KLRD1: variants seen among roughly 807,000 people sequenced by gnomAD.
The protein encoded by KLRD1 is natural killer cells antigen CD94.
In KLRD1, 21 loss-of-function variants were observed where a neutral mutation model predicts 22.6. That is an observed-to-expected ratio of 0.93 (90% CI 0.66 to 1.34). The LOEUF is 1.34. KLRD1 is among the 40% of genes most tolerant of loss of function. The pLI is 0.00. For synonymous variants in KLRD1, 59 were observed against 71.1 expected (o/e 0.83, Z 0.85); for missense variants, 183 against 208.6 (o/e 0.88, Z 0.76).
rs1950015850 is a variant in KLRD1, at chr12:10,309,778, T to G, written c.163+90T>G. On this transcript the variant is annotated intron_variant, in intron 3 of 5. Coordinates refer to ENST00000336164, the MANE Select transcript of KLRD1 (RefSeq NM_002262.5). ...CACACAGAGAGGCATGATGGAATATTATACTTAGTAATAGAAATTTGCCTA... is the reference window on the plus strand; with the variant it reads ...CACACAGAGAGGCATGATGGAATATGATACTTAGTAATAGAAATTTGCCTA... 3 of 864,406 alleles carry G rather than the reference T, an allele frequency of 3.5e-6. No individual in the cohort carries two copies. In the Admixed American group the frequency reaches 6.5e-5, roughly 19 times the overall value. The allele number at this position is 864,406 out of a possible 1,614,324, so 53.5% of individuals were successfully genotyped here. A position where few individuals can be genotyped will look rare whatever the true frequency, so the allele number is the denominator to read the frequency against.
At chr12:10,258,141 T>A (rs1178575901) in intron 1 of KLRD1, among the ~76,000 whole-genome samples, 4 of 152,144 alleles carry the variant, frequency 2.6e-5, no homozygotes, top group Non-Finnish European at 5.9e-5. Flanking sequence ...CTAGCTTAGG[T>A]CAGTTTTTCC....
At chr12:10,268,757 G>C (rs1024573463) in intron 1 of KLRD1, among the ~76,000 whole-genome samples, 1 of 152,098 alleles carries the variant, frequency 6.6e-6, no homozygotes, top group Non-Finnish European at 1.5e-5. Flanking sequence ...GATTGAAAAT[G>C]ATTATAATGT....
intron 1 of KLRD1, among the ~76,000 whole-genome samples, chr12:10,259,323 A>G (rs553851216): frequency 4.1e-4 from 63 of 152,154 alleles, no homozygotes; most frequent in Non-Finnish European, 7.9e-4. Context: ...CATCATCATC[A>G]TAGTTATGTA....
At chr12:10,272,732 A>G (rs574733578) in intron 1 of KLRD1, among the ~76,000 whole-genome samples, 13 of 152,360 alleles carry the variant, frequency 8.5e-5, no homozygotes, top group African/African-American at 3.1e-4. Context: ...TAAGGCTAAT[A>G]TGTAAACTAT....
chr12:10,288,067 CA>C (rs35335784), intron 1 of KLRD1, among the ~76,000 whole-genome samples: 1,634 of 92,968 alleles, frequency 0.018, 41 homozygotes, highest in African/African-American at 0.055. Context: ...GACTCTGTCT[CA>C]AAAAAAAAAA....
chr12:10,299,974 C>T (rs1455056243), upstream of KLRD1, among the ~76,000 whole-genome samples: 4 of 152,160 alleles, frequency 2.6e-5, no homozygotes, highest in South Asian at 2.1e-4. Context: ...GCTGCAATTC[C>T]GCCACGACTT....
upstream of KLRD1, among the ~76,000 whole-genome samples, chr12:10,300,260 G>A (rs949329784): frequency 6.6e-6 from 1 of 152,138 alleles, no homozygotes; most frequent in African/African-American, 2.4e-5. Context: ...CTTACAAAAT[G>A]TATTTCTTAA....
intron 1 of KLRD1, among the ~76,000 whole-genome samples, chr12:10,240,693 C>T (rs1949233181): frequency 6.6e-6 from 1 of 151,822 alleles, no homozygotes; most frequent in African/African-American, 2.4e-5. Flanking sequence ...CAAGCATCGA[C>T]TCACTCTCCA....
At chr12:10,307,665 C>A (rs1015399539), upstream of KLRD1, among the ~76,000 whole-genome samples, 2 of 152,032 alleles carry the variant, frequency 1.3e-5, no homozygotes, top group Non-Finnish European at 2.9e-5. Context: ...TTGGTTTGCC[C>A]ATCATTTCCT....
At position 10,283,374 on chromosome 12, in the gene KLRD1, C is replaced by T. The variant is rs570077213; in HGVS notation, c.-100-24604C>T. On this transcript the variant is annotated intron_variant, in intron 1 of 5. Coordinates refer to the KLRD1 transcript ENST00000544747. Reference sequence around the variant, plus strand: ...GGAGCAGAATAGTGGTTACCAGGGACAGTGAGGAGCGGAGAGTGGGGATAA... The same window carrying T: ...GGAGCAGAATAGTGGTTACCAGGGATAGTGAGGAGCGGAGAGTGGGGATAA... 2.0e-5 allele frequency among the ~76,000 whole-genome samples: 3 copies of T among 152,272 alleles called. No individual in the cohort carries two copies. In the South Asian group the frequency reaches 6.2e-4, roughly 32 times the overall value.
chr12:10,301,943 G>A (rs1036221041), upstream of KLRD1, among the ~76,000 whole-genome samples: 2 of 152,102 alleles, frequency 1.3e-5, no homozygotes, highest in Non-Finnish European at 2.9e-5. Flanking sequence ...TTGAGAAGAG[G>A]GAGAACGAGA....
intron 1 of KLRD1, among the ~76,000 whole-genome samples, chr12:10,244,214 G>A (rs1254320279): frequency 6.6e-6 from 1 of 152,042 alleles, no homozygotes; most frequent in Non-Finnish European, 1.5e-5. Flanking sequence ...CTATGATTTT[G>A]TTGTTGAAAC....
rs79569210 is a variant in KLRD1, at chr12:10,313,601, G to A, written c.419+88G>A. The A allele has an allele frequency of 5.0e-3, 3,319 of 669,416 alleles. 80 individuals are homozygous for A. The East Asian group carries it at 0.059, about 12-fold the overall frequency. The allele number at this position is 669,416 out of a possible 1,614,324, so 41.5% of individuals were successfully genotyped here. On this transcript the variant is annotated intron_variant, in intron 5 of 5. Transcript: ENST00000336164. ...TAAAGGTAACATCCAGGAGCACTGT[G>A]GCTGAAATAACCTTGTCTAGGGCAT...
upstream of KLRD1, among the ~76,000 whole-genome samples, chr12:10,302,527 T>TGTC (rs999417197): frequency 1.3e-5 from 2 of 152,190 alleles, no homozygotes; most frequent in Non-Finnish European, 2.9e-5. Context: ...GACACAAGGC[T>TGTC]GTCCTACTTG....
intron 1 of KLRD1, among the ~76,000 whole-genome samples, chr12:10,246,851 C>G (rs535233675): frequency 6.6e-6 from 1 of 151,862 alleles, no homozygotes; most frequent in Non-Finnish European, 1.5e-5. Context: ...CCTTCATAGT[C>G]CCATTAAATG....
At chr12:10,268,065 T>C (rs1463564016) in intron 1 of KLRD1, among the ~76,000 whole-genome samples, 1 of 152,194 alleles carries the variant, frequency 6.6e-6, no homozygotes, top group East Asian at 1.9e-4. Flanking sequence ...TTATAAAATT[T>C]GCATTTTGAG....
intron 1 of KLRD1, among the ~76,000 whole-genome samples, chr12:10,281,636 T>C (rs1949644452): frequency 6.6e-6 from 1 of 152,172 alleles, no homozygotes. Flanking sequence ...TACACTACCT[T>C]TTTCTGTGCT....
chr12:10,266,842 T>C (rs1442198720), intron 1 of KLRD1, among the ~76,000 whole-genome samples: 1 of 146,338 alleles, frequency 6.8e-6, no homozygotes, highest in African/African-American at 2.5e-5. Flanking sequence ...AAGTGTCATG[T>C]GAAATCACTT....
intron 1 of KLRD1, among the ~76,000 whole-genome samples, chr12:10,290,436 G>T (rs1366435975): frequency 6.6e-6 from 1 of 152,152 alleles, no homozygotes; most frequent in Non-Finnish European, 1.5e-5. Flanking sequence ...GAGGTAGAAG[G>T]AATTTAGAAT....
Sources: gnomAD v4.1 joint callset for allele counts (sites outside exome capture counted in the v4.1 genomes callset) on GRCh38, gnomAD v4.1.1 for gene constraint, MANE v1.5 for transcripts, NCBI Gene and HGNC (gene_info 2026-07-23, HGNC 2026-07-21) for gene names.